RHPN2: variants seen among roughly 807,000 people sequenced by gnomAD.
RHPN2 encodes the protein rhophilin-2.
Under a neutral mutation model 79.0 loss-of-function variants are expected in RHPN2, and 40 were observed. The ratio of observed to expected loss-of-function variants is 0.51; its 90% CI spans 0.39 to 0.66. The LOEUF (loss-of-function observed/expected upper bound fraction) is 0.66, where lower values mean the gene tolerates loss of function less well. RHPN2 is among the 30% of genes least tolerant of loss of function. RHPN2 has a pLI of 0.00. For missense variants in RHPN2, 686 were observed against 883.5 expected (o/e 0.78, Z 2.83); for synonymous variants, 285 against 363.5 (o/e 0.78, Z 2.46).
At chr19:33,000,465 G>A (rs569885885) in intron 9 of RHPN2, among the ~76,000 whole-genome samples, 5 of 150,332 alleles carry the variant, frequency 3.3e-5, no homozygotes, top group South Asian at 2.1e-4. Context: ...CACCGATTTC[G>A]GCCTCCCAAA....
chr19:32,983,369 G>T (rs1328967201), intron 14 of RHPN2, among the ~76,000 whole-genome samples: 1 of 151,834 alleles, frequency 6.6e-6, no homozygotes, highest in Non-Finnish European at 1.5e-5. Context: ...AAAATTAGCC[G>T]GGCGTGGTGG....
chr19:33,034,605 C>CA (rs71176187), intron 2 of RHPN2, among the ~76,000 whole-genome samples: 59,697 of 95,596 alleles, frequency 0.62, 22,438 homozygotes, highest in Non-Finnish European at 0.82. Context: ...GACTCCGTCT[C>CA]AAAAAAAAAA....
intron 14 of RHPN2, among the ~76,000 whole-genome samples, chr19:32,982,924 T>C (rs1971585495): frequency 6.6e-6 from 1 of 152,032 alleles, no homozygotes; most frequent in South Asian, 2.1e-4. Flanking sequence ...GCTCTCCTCC[T>C]GAAGCCACTC....
At chr19:33,034,416 T>C (rs984847441) in intron 2 of RHPN2, among the ~76,000 whole-genome samples, 2 of 151,412 alleles carry the variant, frequency 1.3e-5, no homozygotes, top group South Asian at 2.1e-4. Flanking sequence ...CCATCCTGGC[T>C]AACACAGTGA....
rs1255323583 is a variant in RHPN2, at chr19:32,978,908, G to A, written c.*1088C>T. On this transcript the variant is annotated 3_prime_UTR_variant, in exon 15 of 15. Coordinates refer to ENST00000254260, the MANE Select transcript of RHPN2 (RefSeq NM_033103.5). ...CATGCCTGTAATCCCAGCACTTTGG[G>A]AGGCTGAGGTGGGTGGATCATTTGA... 6.6e-6 allele frequency: 1 copy of A among 152,232 alleles called. No homozygotes were observed. The highest frequency in any genetic ancestry group is 1.5e-5 in the Non-Finnish European group (1 of 68,036). The allele number at this position is 152,232 out of a possible 1,614,324, so 9.4% of individuals were successfully genotyped here. A position where few individuals can be genotyped will look rare whatever the true frequency, so the allele number is the denominator to read the frequency against.
At chr19:33,012,613 C>G in intron 5 of RHPN2, 34 bp downstream of exon 5, 7 of 1,386,606 alleles carry the variant, frequency 5.0e-6, no homozygotes, top group Admixed American at 1.7e-5. Context: ...TCGGAAAAGC[C>G]ACCCTCCCCT....
chr19:33,060,947 T>C (rs1384193180), intron 1 of RHPN2, among the ~76,000 whole-genome samples: 1 of 152,126 alleles, frequency 6.6e-6, no homozygotes, highest in Non-Finnish European at 1.5e-5. Context: ...GGCTCCACCA[T>C]AGCTTCTTTC....
In RHPN2 at chr19:32,999,682, G is replaced by A. The variant is rs562365127; in HGVS notation, c.1129C>T (p.His377Tyr). The A allele has an allele frequency of 3.7e-6, 6 of 1,612,872 alleles. No individual in the cohort carries two copies. The East Asian group carries it at 8.9e-5, about 24-fold the overall frequency. ...AGCTGGGACAGGCACTTCTCCTGGT[G>A]GTCCAGATCCGTGCCTGGCTTCACT... ...HQVKPGTDLD[H>Y]QEKCLSQLYD... is the part of the protein sequence containing the mutation. Residue 377 changes from histidine (H) to tyrosine (Y), a missense_variant, in exon 10 of 15, where the codon CAC becomes TAC. Coordinates refer to ENST00000254260, the MANE Select transcript of RHPN2 (RefSeq NM_033103.5).
Position 32,991,827 on chromosome 19 carries a change from G to A in RHPN2, c.1640C>T (p.Ala547Val). 6.2e-7 allele frequency: 1 copy of A among 1,613,956 alleles called. No individual in the cohort carries two copies. Among genetic ancestry groups the A allele is most frequent in the South Asian group, 1.1e-5 (1 of 91,074 alleles). Residue 547 changes from alanine to valine, a missense_variant, in exon 13 of 15, where the codon GCC becomes GTC. Transcript: ENST00000254260. Reference protein sequence around the residue: ...QVHFLDPYCSASVAGAREGDY... With the variant: ...QVHFLDPYCSVSVAGAREGDY... ...TCAAGAAAAGCATGTGCTTACCGAG[G>A]CAGAGCAGTAAGGATCCAGGAAGTG...
intron 1 of RHPN2, among the ~76,000 whole-genome samples, chr19:33,046,329 G>A (rs930302897): frequency 1.2e-4 from 18 of 152,056 alleles, no homozygotes; most frequent in Middle Eastern, 3.4e-3. Context: ...GCAGTGGCTC[G>A]ATCTCGGCTC....
In RHPN2 at chr19:32,997,933, G is replaced by A. The variant is rs184685166; in HGVS notation, c.1225+1653C>T. Among the ~76,000 whole-genome samples, 20 of 152,344 alleles carry A rather than the reference G, an allele frequency of 1.3e-4. No individual in the cohort carries two copies. The East Asian group carries it at 3.9e-3, about 29-fold the overall frequency. On this transcript the variant is annotated intron_variant, in intron 10 of 14. Transcript: ENST00000254260. ...TAGGGTGTGCCTGGAGGCAGGGAGG[G>A]TGGGAGAGAATGAGTGCAGGGAAGA...
At chr19:33,017,109 T>C (rs1042435031) in intron 4 of RHPN2, among the ~76,000 whole-genome samples, 1 of 152,208 alleles carries the variant, frequency 6.6e-6, no homozygotes, top group African/African-American at 2.4e-5. Context: ...CCGGATGCAG[T>C]GGCTCACACC....
chr19:33,035,674 A>C (rs542273367), intron 2 of RHPN2, among the ~76,000 whole-genome samples: 1 of 152,320 alleles, frequency 6.6e-6, no homozygotes, highest in African/African-American at 2.4e-5. Flanking sequence ...GCTGGGCTGC[A>C]TTCTCAGAAA....
intron 12 of RHPN2, among the ~76,000 whole-genome samples, chr19:32,993,192 G>C (rs931173778): frequency 9.3e-5 from 14 of 149,878 alleles, no homozygotes; most frequent in African/African-American, 3.4e-4. Flanking sequence ...ATATGCTATG[G>C]GGCCGGGCAC....
chr19:32,993,080 T>C (rs1350148178), intron 12 of RHPN2, among the ~76,000 whole-genome samples: 2 of 152,080 alleles, frequency 1.3e-5, no homozygotes, highest in Non-Finnish European at 2.9e-5. Context: ...ATCATGCCGC[T>C]GTAATCCAGC....
chr19:33,047,318 G>A (rs1016551959), intron 1 of RHPN2, among the ~76,000 whole-genome samples: 1 of 152,126 alleles, frequency 6.6e-6, no homozygotes, highest in African/African-American at 2.4e-5. Context: ...ATATAATCTT[G>A]ACACTTTAAT....
chr19:33,018,868 A>C (rs1374706515), intron 4 of RHPN2, among the ~76,000 whole-genome samples: 1 of 151,592 alleles, frequency 6.6e-6, no homozygotes, highest in Admixed American at 6.6e-5. Context: ...CCCCATCTCT[A>C]CTAAAAATAC....
rs537027276 is a variant in RHPN2, at chr19:33,059,302, AT to A, written c.69+5481del. Among the ~76,000 whole-genome samples, 564 of 136,802 alleles carry A rather than the reference AT, an allele frequency of 4.1e-3. 3 individuals are homozygous for A. Among genetic ancestry groups the A allele is most frequent in the African/African-American group, 0.011 (392 of 36,960 alleles). The allele number at this position is 136,802 out of a possible 152,430, so 89.7% of individuals were successfully genotyped here. A position where few individuals can be genotyped will look rare whatever the true frequency, so the allele number is the denominator to read the frequency against. On this transcript the variant is annotated intron_variant, in intron 1 of 14. Transcript: ENST00000254260. ...TTCACTTTTGTTTTTTTCTTTTATCATTTTTTTTTTTTTTGAGACGGAGTCT... is the reference window on the plus strand; with the variant it reads ...TTCACTTTTGTTTTTTTCTTTTATCATTTTTTTTTTTTTGAGACGGAGTCT...
chr19:33,011,832 G>A, intron 5 of RHPN2, 29 bp from the exon 6 acceptor site: 2 of 1,613,850 alleles, frequency 1.2e-6, no homozygotes, highest in Non-Finnish European at 1.7e-6. Context: ...AAGAGGGCAT[G>A]AGCAGAGGAG....
Sources: allele counts gnomAD v4.1 joint callset (sites outside exome capture counted in the v4.1 genomes callset), GRCh38; gene constraint gnomAD v4.1.1; transcripts MANE v1.5; gene names NCBI Gene and HGNC (gene_info 2026-07-23, HGNC 2026-07-21).